Variants in MCF2 observed in about 807,000 individuals in gnomAD.
The protein encoded by MCF2 is proto-oncogene DBL.
Under a neutral mutation model 82.5 loss-of-function variants are expected in MCF2, and 44 were observed. The observed-to-expected ratio is 0.53, with a 90% CI of 0.42 to 0.69. The LOEUF (loss-of-function observed/expected upper bound fraction) is 0.69. Ranked by LOEUF, MCF2 falls within the 30% of genes least tolerant of loss-of-function variation. The probability of loss-of-function intolerance (pLI) is 0.00; values close to 1 mark genes in which losing one functional copy is unlikely to be tolerated. For synonymous variants in MCF2, 217 were observed against 224.9 expected, an observed-to-expected ratio of 0.96 and a Z score of 0.32; for missense variants, 623 against 663.1, an observed-to-expected ratio of 0.94 and a Z score of 0.66.
At position 139,669,233 on chromosome X, in the gene MCF2, A is replaced by T. The variant is rs190703322; in HGVS notation, c.-44-17445T>A. On this transcript the variant is annotated intron_variant, in intron 1 of 27. Transcript: ENST00000414978. ...TAAAATGGGCAAAATATTTGAATAG[A>T]CATATCTCCAAAGAAGATATACAAG... Among the ~76,000 whole-genome samples, 18 of 112,107 alleles carry T rather than the reference A, an allele frequency of 1.6e-4. No homozygotes were observed. The Admixed American group carries it at 1.6e-3, about 10-fold the overall frequency.
chrX:139,670,153 C>T (rs1934640212), intron 1 of MCF2, among the ~76,000 whole-genome samples: 1 of 109,776 alleles, frequency 9.1e-6, no homozygotes, highest in African/African-American at 3.3e-5. Context: ...CTTATCTTTT[C>T]AAAAGGATTT....
chrX:139,626,214 C>T (rs1449628108), exon 6 of MCF2: 2 of 1,190,971 alleles, frequency 1.7e-6, no homozygotes, highest in Non-Finnish European at 2.3e-6. Flanking sequence ...CCTGCTCAAA[C>T]TTCCATAGTT....
chrX:139,627,393 C>G (rs1364274416), intron 4 of MCF2, among the ~76,000 whole-genome samples: 1 of 112,157 alleles, frequency 8.9e-6, no homozygotes, highest in African/African-American at 3.2e-5. Context: ...CACTCCCTGC[C>G]TTAAGTCTTA....
intron 1 of MCF2, among the ~76,000 whole-genome samples, chrX:139,671,751 G>A (rs755081553): frequency 9.0e-6 from 1 of 111,723 alleles, no homozygotes; most frequent in South Asian, 3.8e-4. Context: ...GTAGCATGAC[G>A]CCTCCAGCTT....
chrX:139,677,247 G>A (rs1425025184), intron 1 of MCF2, among the ~76,000 whole-genome samples: 1 of 111,674 alleles, frequency 9.0e-6, no homozygotes, highest in East Asian at 2.8e-4. Context: ...CTCAAGGGAA[G>A]AATCAGGGGA....
At chrX:139,598,180 A>G (rs757869356) in intron 17 of MCF2, among the ~76,000 whole-genome samples, 2 of 112,125 alleles carry the variant, frequency 1.8e-5, no homozygotes, top group South Asian at 7.4e-4. Context: ...TGTATGAAAA[A>G]TTAAATAGCT....
intron 1 of MCF2, among the ~76,000 whole-genome samples, chrX:139,661,794 T>A (rs760113829): frequency 9.0e-6 from 1 of 111,482 alleles, no homozygotes; most frequent in Non-Finnish European, 1.9e-5. Context: ...AAAAAGAAAA[T>A]TCAAAAAATA....
intron 6 of MCF2, among the ~76,000 whole-genome samples, chrX:139,622,335 A>T (rs1257778617): frequency 4.7e-4 from 52 of 111,688 alleles, no homozygotes; most frequent in African/African-American, 1.6e-3. Context: ...TTCCTCAGGG[A>T]TCTAGAACTA....
At chrX:139,629,555 A>T (rs1342418288) in intron 4 of MCF2, 140 bp downstream of exon 7, 12 of 492,438 alleles carry the variant, frequency 2.4e-5, no homozygotes, top group Non-Finnish European at 3.5e-5. Flanking sequence ...ATAAAGTATA[A>T]TTTTTTTTAG....
At chrX:139,703,722 G>A (rs747559027) in intron 1 of MCF2, among the ~76,000 whole-genome samples, 48 of 111,282 alleles carry the variant, frequency 4.3e-4, no homozygotes, top group Middle Eastern at 4.7e-3. Context: ...GTGACAGAGC[G>A]AGACTCTGTC....
intron 19 of MCF2, among the ~76,000 whole-genome samples, chrX:139,595,320 A>G (rs924895858): frequency 5.4e-4 from 59 of 110,279 alleles, no homozygotes; most frequent in African/African-American, 1.7e-3. Flanking sequence ...AAGACTTGGA[A>G]TCAACCCAAA....
chrX:139,683,133 T>C (rs1209359736), intron 1 of MCF2, among the ~76,000 whole-genome samples: 4 of 111,644 alleles, frequency 3.6e-5, no homozygotes, highest in South Asian at 7.5e-4. Flanking sequence ...GAGGTCTCAC[T>C]ATGTTGCCCA....
At chrX:139,634,503 A>C (rs1335844906) in intron 1 of MCF2, among the ~76,000 whole-genome samples, 1 of 112,444 alleles carries the variant, frequency 8.9e-6, no homozygotes, top group Non-Finnish European at 1.9e-5. Flanking sequence ...ATAAAACATA[A>C]AATGTTAAGT....
chrX:139,584,658 C>T (rs111313468), intron 24 of MCF2, among the ~76,000 whole-genome samples: 34 of 111,842 alleles, frequency 3.0e-4, no homozygotes, highest in Non-Finnish European at 5.5e-4. Context: ...GTTATTAAAT[C>T]GTTTTTAATG....
At chrX:139,604,092 A>T (rs951237600) in intron 15 of MCF2, among the ~76,000 whole-genome samples, 1 of 110,866 alleles carries the variant, frequency 9.0e-6, no homozygotes. Context: ...AATGGAGGAG[A>T]GTATGATCAC....
intron 1 of MCF2, among the ~76,000 whole-genome samples, chrX:139,651,992 G>C (rs1934036891): frequency 9.0e-6 from 1 of 111,116 alleles, no homozygotes; most frequent in Non-Finnish European, 1.9e-5. Context: ...AGTAGAACCA[G>C]TGACCTACTT....
At chrX:139,702,205 T>C (rs1481783140) in intron 1 of MCF2, 1 of 112,352 alleles carries the variant, frequency 8.9e-6, no homozygotes, top group African/African-American at 3.2e-5. Flanking sequence ...ATAATATTAT[T>C]TATTTGTATA....
rs752446259 is a variant in MCF2, at chrX:139,672,646, G to T, written c.-44-20858C>A. Among the ~76,000 whole-genome samples the T allele has an allele frequency of 2.5e-3, 285 of 111,940 alleles. 1 individual carries two copies. Among genetic ancestry groups the T allele is most frequent in the Non-Finnish European group, 3.4e-3 (179 of 53,186 alleles). On this transcript the variant is annotated intron_variant, in intron 1 of 27. Coordinates refer to the MCF2 transcript ENST00000414978. ...TGATTTGCATATGTTGAACCAGTCT[G>T]GCATCCCAGGGATGAAGCCAACTTG...
intron 1 of MCF2, among the ~76,000 whole-genome samples, chrX:139,638,543 A>C (rs2148507088): frequency 8.9e-6 from 1 of 111,747 alleles, no homozygotes; most frequent in African/African-American, 3.2e-5. Context: ...CAGTTCACTC[A>C]TAAATCAGTT....
Sources: gnomAD v4.1 joint callset for allele counts (sites outside exome capture counted in the v4.1 genomes callset) on GRCh38, gnomAD v4.1.1 for gene constraint, MANE v1.5 for transcripts, NCBI Gene and HGNC (gene_info 2026-07-23, HGNC 2026-07-21) for gene names.